SP2: variants seen among roughly 807,000 people sequenced by gnomAD.
SP2 encodes Sp2 transcription factor.
SP2 carries 9 observed loss-of-function variants against 50.1 expected under a neutral mutation model. The observed-to-expected ratio is 0.18, with a 90% CI of 0.11 to 0.31. The LOEUF (loss-of-function observed/expected upper bound fraction) is 0.31. SP2 is among the 10% of genes least tolerant of loss of function. SP2 has a pLI of 1.00. For synonymous variants in SP2, 313 were observed against 326.6 expected, an observed-to-expected ratio of 0.96 and a Z score of 0.45; for missense variants, 581 against 806.5, an observed-to-expected ratio of 0.72 and a Z score of 3.39.
chr17:47,912,442 CT>C lies in SP2; in HGVS notation c.8-2853del, dbSNP rs536634603. On this transcript the variant is annotated intron_variant, in intron 1 of 6. Transcript: ENST00000376741. ...TCCAGGGCTTCAGTTTCCACTTCAC[CT>C]TTTTTTTTTTTTTTTTATGGAGATG... Among the ~76,000 whole-genome samples the C allele has an allele frequency of 7.5e-3, 1,050 of 140,116 alleles. 4 individuals carry two copies. The highest frequency in any genetic ancestry group is 0.027 in the Middle Eastern group (7 of 262). The allele number at this position is 140,116 out of a possible 152,430, so 91.9% of individuals were successfully genotyped here. A position where few individuals can be genotyped will look rare whatever the true frequency, so the allele number is the denominator to read the frequency against.
intron 3 of SP2, among the ~76,000 whole-genome samples, chr17:47,920,823 G>A: frequency 6.6e-6 from 1 of 152,018 alleles, no homozygotes; most frequent in Non-Finnish European, 1.5e-5. Context: ...CCCTTTTAAA[G>A]TATACAATTC....
At position 47,928,170 on chromosome 17, in the gene SP2, C is replaced by T. The variant is rs920336105; in HGVS notation, c.*346C>T. 4.8e-6 allele frequency: 1 copy of T among 207,232 alleles called. No homozygotes were observed. The highest frequency in any genetic ancestry group is 1.0e-5 in the Non-Finnish European group (1 of 98,238). 12.8% of individuals were successfully genotyped at this position (207,232 alleles called of 1,614,324 possible). A position where few individuals can be genotyped will look rare whatever the true frequency, so the allele number is the denominator to read the frequency against. On this transcript the variant is annotated 3_prime_UTR_variant, in exon 7 of 7. Coordinates refer to ENST00000376741, the MANE Select transcript of SP2 (RefSeq NM_003110.6). ...AGGAGCAAAGTGAGCCCCTACCCCC[C>T]ACCCCGATCCCCGCTCCCAACACTG...
intron 1 of SP2, among the ~76,000 whole-genome samples, chr17:47,901,024 C>T (rs1297272528): frequency 6.6e-6 from 1 of 152,178 alleles, no homozygotes; most frequent in Admixed American, 6.5e-5. Context: ...CTTCCAGAGT[C>T]CCTTCCAGTA....
At position 47,904,953 on chromosome 17, in the gene SP2, G is replaced by A. The variant is rs137918352; in HGVS notation, c.7+8660G>A. ...CCCAGCTAGTTTGTAAACATTTTTTGTAGAGATGGCATCTTGCTGTATTGC... is the reference window on the plus strand; with the variant it reads ...CCCAGCTAGTTTGTAAACATTTTTTATAGAGATGGCATCTTGCTGTATTGC... On this transcript the variant is annotated intron_variant, in intron 1 of 6. Coordinates refer to ENST00000376741, the MANE Select transcript of SP2 (RefSeq NM_003110.6). Among the ~76,000 whole-genome samples the A allele has an allele frequency of 5.6e-3, 848 of 152,132 alleles. 6 individuals carry two copies. Among genetic ancestry groups the A allele is most frequent in the African/African-American group, 0.02 (816 of 41,506 alleles).
intron 6 of SP2, among the ~76,000 whole-genome samples, chr17:47,926,066 A>G (rs1174525206): frequency 2.0e-5 from 3 of 151,394 alleles, no homozygotes; most frequent in Non-Finnish European, 4.4e-5. Flanking sequence ...ACAGGCACCC[A>G]CCACCACACC....
chr17:47,913,791 C>T (rs1337094517), intron 1 of SP2, among the ~76,000 whole-genome samples: 1 of 151,996 alleles, frequency 6.6e-6, no homozygotes. Context: ...AAAAAAAGTA[C>T]AGTAGAATAT....
rs16949422 is a variant in SP2 at position 47,915,266 on chromosome 17, C to G, written c.8-46C>G. 5,182 of 1,363,060 alleles carry G rather than the reference C, an allele frequency of 3.8e-3. 198 individuals are homozygous for G. In the Admixed American group the frequency reaches 0.077, roughly 20 times the overall value. 84.4% of individuals were successfully genotyped at this position (1,363,060 alleles called of 1,614,324 possible). ...AATCTGAGGCAAGTGGGCTTGCGTT[C>G]TTTTTGGGCATTTTATACATTACTC... On this transcript the variant is annotated intron_variant, in intron 1 of 6. Coordinates refer to ENST00000376741, the MANE Select transcript of SP2 (RefSeq NM_003110.6).
intron 3 of SP2, among the ~76,000 whole-genome samples, chr17:47,919,626 C>T (rs547736289): frequency 6.6e-6 from 1 of 151,874 alleles, no homozygotes; most frequent in African/African-American, 2.4e-5. Flanking sequence ...TTCCTACACA[C>T]AAGAACATTC....
At position 47,922,949 on chromosome 17, in the gene SP2, TGGCCC is replaced by T; in HGVS notation, c.1060-12_1060-8del. The T allele has an allele frequency of 6.3e-7, 1 of 1,598,378 alleles. No homozygotes were observed. The highest frequency in any genetic ancestry group is 1.7e-5 in the Admixed American group (1 of 59,228). On this transcript the variant is annotated splice_region_variant and splice_polypyrimidine_tract_variant and intron_variant, in intron 3 of 6. Transcript: ENST00000376741. ...CTTCCAGGCACTGATTTTTTTTCTCTGGCCCCTCCCAGGTCTACATCCGCACGCCT... is the reference window on the plus strand; with the variant it reads ...CTTCCAGGCACTGATTTTTTTTCTCTCTCCCAGGTCTACATCCGCACGCCT...
intron 2 of SP2, 76 bp downstream of exon 2, chr17:47,915,464 CTG>C (rs2035160674): frequency 5.5e-6 from 5 of 906,552 alleles, no homozygotes; most frequent in Non-Finnish European, 8.6e-6. Flanking sequence ...TCTCTCTTCA[CTG>C]TCTCACTATA....
At chr17:47,917,153 C>T in intron 3 of SP2, 23 bp downstream of exon 3, 5 of 1,560,002 alleles carry the variant, frequency 3.2e-6, no homozygotes, top group Non-Finnish European at 4.3e-6. Flanking sequence ...CTGTACTGTC[C>T]TCCTTCTCCT....
At chr17:47,917,218 C>T (rs2035247833) in intron 3 of SP2, 88 bp downstream of exon 3, 7 of 1,345,606 alleles carry the variant, frequency 5.2e-6, no homozygotes, top group Non-Finnish European at 7.2e-6. Context: ...CATCTCCCAG[C>T]TTGATCTGAC....
In SP2 at chr17:47,925,359, A is replaced by G; in HGVS notation, c.1559A>G (p.Gln520Arg). 1 of 1,613,356 alleles carries G rather than the reference A, an allele frequency of 6.2e-7. No homozygotes were observed. Among genetic ancestry groups the G allele is most frequent in the Non-Finnish European group, 8.5e-7 (1 of 1,179,532 alleles). The change falls in exon 6 of 7, where the codon CAG becomes CGG. Residue 520 changes from glutamine (Q) to arginine (R), a missense_variant. Gln to Arg is a conservative substitution (Grantham distance 43). Transcript: ENST00000376741. The stretch of plus-strand genomic sequence containing the variant: ...ACCCCAATTCTCAGGTCTGGAGAGC[A>G]GGGCAAGAAGAAGCACGTGTGCCAC... ...CKDGEKRSGE[Q>R]GKKKHVCHIP...
In SP2 at chr17:47,900,494, GGGGCC is replaced by G. The variant is rs2143766808; in HGVS notation, c.7+4206_7+4210del. ...TCATTTCAGAAGCTGATTCTGGCCT[GGGGCC>G]GGGCTGGGTGATCACGCCTGTAATC... On this transcript the variant is annotated intron_variant, in intron 1 of 6. Coordinates refer to ENST00000376741, the MANE Select transcript of SP2 (RefSeq NM_003110.6). 2.6e-5 allele frequency: 4 copies of G among 152,376 alleles called. No homozygotes were observed. The South Asian group carries it at 8.3e-4, about 32-fold the overall frequency. The allele number at this position is 152,376 out of a possible 1,614,324, so 9.4% of individuals were successfully genotyped here.
In SP2 at chr17:47,925,111, C is replaced by A; in HGVS notation, c.1547+18C>A. The stretch of plus-strand genomic sequence containing the variant: ...GAGAAGAGGTAATTCAAGGAGAAGG[C>A]CCAAGCCACAAGGCTGGCCTGTGTT... On this transcript the variant is annotated intron_variant, in intron 5 of 6. Coordinates refer to ENST00000376741, the MANE Select transcript of SP2 (RefSeq NM_003110.6). The A allele has an allele frequency of 6.3e-7, 1 of 1,585,682 alleles. No individual in the cohort carries two copies. The highest frequency in any genetic ancestry group is 1.2e-5 in the South Asian group (1 of 86,918).
chr17:47,901,250 C>T lies in SP2; in HGVS notation c.7+4957C>T, dbSNP rs562808065. The stretch of plus-strand genomic sequence containing the variant: ...GCAACCTCTGCCTCCCGGGTTCAAG[C>T]GATTCTCCTGTCTCAGCCTCCAGAG... On this transcript the variant is annotated intron_variant, in intron 1 of 6. Coordinates refer to ENST00000376741, the MANE Select transcript of SP2 (RefSeq NM_003110.6). Among the ~76,000 whole-genome samples, 10 of 150,370 alleles carry T rather than the reference C, an allele frequency of 6.7e-5. No individual in the cohort carries two copies. In the South Asian group the frequency reaches 1.9e-3, roughly 28 times the overall value.
At chr17:47,909,110 C>G (rs528925401) in intron 1 of SP2, among the ~76,000 whole-genome samples, 9 of 152,340 alleles carry the variant, frequency 5.9e-5, no homozygotes, top group Admixed American at 3.3e-4. Context: ...CTGACCACAA[C>G]CATTGCTGCT....
Position 47,928,839 on chromosome 17 carries a change from G to C in SP2, c.*1015G>C, listed in dbSNP as rs971014822. The C allele has an allele frequency of 1.3e-5, 2 of 152,612 alleles. No individual in the cohort carries two copies. Among genetic ancestry groups the C allele is most frequent in the Non-Finnish European group, 2.9e-5 (2 of 68,038 alleles). The allele number at this position is 152,612 out of a possible 1,614,324, so 9.5% of individuals were successfully genotyped here. ...TTTTAGTTGTAACTGCTTGAGGTAT[G>C]TTTTATGAATTAAGTGACAGATTTG... On this transcript the variant is annotated 3_prime_UTR_variant, in exon 7 of 7. Transcript: ENST00000376741.
chr17:47,925,995 C>T (rs2035634768), intron 6 of SP2, among the ~76,000 whole-genome samples: 1 of 146,238 alleles, frequency 6.8e-6, no homozygotes, highest in Admixed American at 7.0e-5. Flanking sequence ...CAGCTCACTG[C>T]AGCCTCCACC....
Sources: gnomAD v4.1 joint callset for allele counts (sites outside exome capture counted in the v4.1 genomes callset) on GRCh38, gnomAD v4.1.1 for gene constraint, MANE v1.5 for transcripts, NCBI Gene and HGNC (gene_info 2026-07-23, HGNC 2026-07-21) for gene names.